EDN1: variants seen among roughly 807,000 people sequenced by gnomAD.
EDN1 encodes endothelin-1.
Under a neutral mutation model 21.7 loss-of-function variants are expected in EDN1, and 11 were observed. That is an observed-to-expected ratio of 0.51 (90% CI 0.32 to 0.84). EDN1 has a LOEUF of 0.84. Among genes scored for constraint, EDN1 ranks in the 40% least tolerant of loss-of-function variants. The pLI is 0.03. For missense variants in EDN1, 244 were observed against 262.3 expected, an observed-to-expected ratio of 0.93 and a Z score of 0.48; for synonymous variants, 85 against 90.6, an observed-to-expected ratio of 0.94 and a Z score of 0.35.
At chr6:12,234,922 T>A in the EDN1 span, among the ~76,000 whole-genome samples, 1 of 152,164 alleles carries the variant, frequency 6.6e-6, no homozygotes, top group African/African-American at 2.4e-5. Context: ...CAGAAAGAGA[T>A]ATTTGACAAA....
the EDN1 span, among the ~76,000 whole-genome samples, chr6:12,272,497 G>A: frequency 4.8e-4 from 59 of 121,904 alleles, 1 homozygote; most frequent in Admixed American, 1.5e-3. Flanking sequence ...CTCTCTTGTC[G>A]CCCAGGCTGG....
rs2113797141 is a variant in EDN1, at chr6:12,294,356, G to C, written c.485G>C (p.Arg162Thr). 6.2e-7 allele frequency: 1 copy of C among 1,614,188 alleles called. No homozygotes were observed. Among genetic ancestry groups the C allele is most frequent in the Non-Finnish European group, 8.5e-7 (1 of 1,180,034 alleles). ...GKKCIYQQLVRGRKIRRSSEE... is the reference protein window; with the variant it reads ...GKKCIYQQLVTGRKIRRSSEE... ...AAGTGTATTTATCAGCAGTTAGTGA[G>C]AGGAAGAAAAATCAGAAGAAGTTCA... Residue 162 changes from arginine to threonine, a missense_variant, in exon 4 of 5, where the codon AGA becomes ACA. Coordinates refer to ENST00000379375, the MANE Select transcript of EDN1 (RefSeq NM_001955.5).
chr6:12,288,135 AC>A, upstream of EDN1, among the ~76,000 whole-genome samples: 1 of 151,908 alleles, frequency 6.6e-6, no homozygotes, highest in East Asian at 1.9e-4. Context: ...CCCAGGCTGG[AC>A]CTGAGAATAT....
At chr6:12,247,848 G>A in the EDN1 span, among the ~76,000 whole-genome samples, 1 of 151,950 alleles carries the variant, frequency 6.6e-6, no homozygotes, top group African/African-American at 2.4e-5. Flanking sequence ...TCTAATGGAT[G>A]ATTTCTATTT....
At chr6:12,278,262 TTAAGA>T in the EDN1 span, among the ~76,000 whole-genome samples, 1 of 152,220 alleles carries the variant, frequency 6.6e-6, no homozygotes, top group African/African-American at 2.4e-5. Flanking sequence ...ACAATAACTG[TTAAGA>T]TAAGCTTATT....
the EDN1 span, among the ~76,000 whole-genome samples, chr6:12,254,642 A>T: frequency 6.6e-6 from 1 of 152,214 alleles, no homozygotes; most frequent in African/African-American, 2.4e-5. Context: ...AGCCAAAAGA[A>T]ATCATCAGAA....
At chr6:12,293,460 C>T (rs141098726) in intron 2 of EDN1, among the ~76,000 whole-genome samples, 132 of 152,254 alleles carry the variant, frequency 8.7e-4, no homozygotes, top group Non-Finnish European at 1.5e-3. Flanking sequence ...CCACTGGGGT[C>T]GGTGGGGTGA....
At chr6:12,286,264 G>A (rs1042641111), upstream of EDN1, among the ~76,000 whole-genome samples, 1 of 152,220 alleles carries the variant, frequency 6.6e-6, no homozygotes, top group African/African-American at 2.4e-5. Flanking sequence ...TGCATATGTT[G>A]TATGTTTTTA....
At chr6:12,275,180 G>A in the EDN1 span, among the ~76,000 whole-genome samples, 3 of 152,176 alleles carry the variant, frequency 2.0e-5, no homozygotes, top group Non-Finnish European at 4.4e-5. Flanking sequence ...TCAGGACTCT[G>A]GCTCATAAAT....
intron 2 of EDN1, 41 bp from the exon 3 acceptor site, chr6:12,293,900 T>A: frequency 6.2e-7 from 1 of 1,609,648 alleles, no homozygotes; most frequent in Non-Finnish European, 8.5e-7. Context: ...TAAAGACTAT[T>A]AATTACACTA....
At chr6:12,262,370 C>T in the EDN1 span, among the ~76,000 whole-genome samples, 1 of 152,122 alleles carries the variant, frequency 6.6e-6, no homozygotes, top group African/African-American at 2.4e-5. Flanking sequence ...TGGGAGCCTT[C>T]CGGGACTGTG....
At chr6:12,283,877 A>G in the EDN1 span, among the ~76,000 whole-genome samples, 1 of 152,124 alleles carries the variant, frequency 6.6e-6, no homozygotes, top group African/African-American at 2.4e-5. Flanking sequence ...CAGCTCCTAA[A>G]TCCTCTTACC....
chr6:12,254,692 G>T, the EDN1 span, among the ~76,000 whole-genome samples: 1 of 152,104 alleles, frequency 6.6e-6, no homozygotes. Flanking sequence ...TCAGAAAGTA[G>T]AAAAATTGTA....
At chr6:12,284,707 G>A in the EDN1 span, among the ~76,000 whole-genome samples, 2 of 139,016 alleles carry the variant, frequency 1.4e-5, no homozygotes, top group South Asian at 2.3e-4. Context: ...AGGAAAGGAA[G>A]AAAGAAAGAA....
the EDN1 span, among the ~76,000 whole-genome samples, chr6:12,272,237 G>A: frequency 0.014 from 2,099 of 152,184 alleles, 27 homozygotes; most frequent in Middle Eastern, 0.041. Context: ...AGTATTAGAA[G>A]AGAACACAGA....
At chr6:12,259,412 A>AT in the EDN1 span, among the ~76,000 whole-genome samples, 1 of 150,762 alleles carries the variant, frequency 6.6e-6, no homozygotes, top group Non-Finnish European at 1.5e-5. Context: ...GATTTAAATA[A>AT]TTAGAAAGAT....
the EDN1 span, among the ~76,000 whole-genome samples, chr6:12,253,387 C>A: frequency 0.015 from 2,238 of 152,168 alleles, 63 homozygotes; most frequent in African/African-American, 0.049. Context: ...GCAAAGTCTG[C>A]CTTTATAAAG....
the EDN1 span, among the ~76,000 whole-genome samples, chr6:12,252,326 A>G: frequency 6.6e-6 from 1 of 152,364 alleles, no homozygotes; most frequent in South Asian, 2.1e-4. Context: ...GAAAGAGGAT[A>G]AAGAAAAGAA....
At chr6:12,289,268 T>C (rs535823032), upstream of EDN1, among the ~76,000 whole-genome samples, 13 of 152,234 alleles carry the variant, frequency 8.5e-5, no homozygotes, top group African/African-American at 3.1e-4. Context: ...GCATATTCAC[T>C]TAACCTTGTA....
Sources: gnomAD v4.1 joint callset for allele counts (sites outside exome capture counted in the v4.1 genomes callset) on GRCh38, gnomAD v4.1.1 for gene constraint, MANE v1.5 for transcripts, NCBI Gene and HGNC (gene_info 2026-07-23, HGNC 2026-07-21) for gene names.